The following IQSEC3 variants were observed in gnomAD, a reference collection of about 807,000 sequenced individuals.
The protein encoded by IQSEC3 is IQ motif and SEC7 domain-containing protein 3.
Under a neutral mutation model 105.4 loss-of-function variants are expected in IQSEC3, and 50 were observed. That is an observed-to-expected ratio of 0.47 (90% CI 0.38 to 0.60). The LOEUF (loss-of-function observed/expected upper bound fraction) is 0.60. Among genes scored for constraint, IQSEC3 ranks in the 20% least tolerant of loss-of-function variants. The probability of loss-of-function intolerance (pLI) is 0.00; values close to 1 mark genes in which losing one functional copy is unlikely to be tolerated. For synonymous variants in IQSEC3, 708 were observed against 746.0 expected, an observed-to-expected ratio of 0.95 and a Z score of 0.83; for missense variants, 1,415 against 1,630.0, an observed-to-expected ratio of 0.87 and a Z score of 2.27.
At chr12:160,736 A>C (rs1453255051) in intron 7 of IQSEC3, among the ~76,000 whole-genome samples, 1 of 152,146 alleles carries the variant, frequency 6.6e-6, no homozygotes, top group African/African-American at 2.4e-5. Context: ...CACCAGCTCT[A>C]AGCCCTTTGG....
intron 1 of IQSEC3, among the ~76,000 whole-genome samples, chr12:80,693 A>C (rs2136882431): frequency 6.6e-6 from 1 of 152,360 alleles, no homozygotes; most frequent in African/African-American, 2.4e-5. Flanking sequence ...TTACAGACAA[A>C]CAAGATCACT....
intron 12 of IQSEC3, among the ~76,000 whole-genome samples, chr12:170,526 G>T (rs1272697759): frequency 6.6e-6 from 1 of 152,224 alleles, no homozygotes; most frequent in African/African-American, 2.4e-5. Flanking sequence ...CGGGGGTCGG[G>T]GTGGAAGCTG....
chr12:149,407 G>A (rs989802353), intron 5 of IQSEC3, among the ~76,000 whole-genome samples: 11 of 152,200 alleles, frequency 7.2e-5, no homozygotes, highest in Admixed American at 2.0e-4. Context: ...CACAGGTCTC[G>A]GTGTCAGCTC....
At chr12:141,468 C>T (rs1218942628) in intron 5 of IQSEC3, 183 bp downstream of exon 5, 2 of 602,910 alleles carry the variant, frequency 3.3e-6, no homozygotes, top group East Asian at 5.7e-5. Context: ...GCCCTGTCTC[C>T]CGTCAGAGTC....
chr12:111,244 C>T (rs1160613669), intron 2 of IQSEC3, among the ~76,000 whole-genome samples: 2 of 152,172 alleles, frequency 1.3e-5, no homozygotes, highest in Non-Finnish European at 2.9e-5. Flanking sequence ...AAAATTAAAG[C>T]TTGGCACACC....
intron 3 of IQSEC3, among the ~76,000 whole-genome samples, chr12:133,306 C>T (rs963302370): frequency 2.6e-5 from 4 of 152,226 alleles, no homozygotes; most frequent in Admixed American, 6.5e-5. Flanking sequence ...TGGAGACTGG[C>T]AGTGGCACCC....
At chr12:80,268 T>A (rs1863700486) in intron 1 of IQSEC3, among the ~76,000 whole-genome samples, 1 of 152,228 alleles carries the variant, frequency 6.6e-6, no homozygotes, top group Admixed American at 6.5e-5. Context: ...AACTCCAGCT[T>A]GGTTCACTTT....
rs781971008 is a variant in IQSEC3 at position 138,541 on chromosome 12, G to A, written c.1178G>A (p.Gly393Asp). The change falls in exon 4 of 14, where the codon GGC becomes GAC. Residue 393 changes from glycine (G) to aspartate (D), a missense_variant. Transcript: ENST00000538872. The surrounding 1 kb of genome is among the most constrained non-coding windows in gnomAD (Gnocchi z 7.1). ...RSPSLPPTFAGTLTELEDSFT... is the reference protein window; with the variant it reads ...RSPSLPPTFADTLTELEDSFT... ...CCCTCCCTGCCGCCCACCTTCGCAGGCACCCTCACCGAGCTGGAGGACTCC... is the reference window on the plus strand; with the variant it reads ...CCCTCCCTGCCGCCCACCTTCGCAGACACCCTCACCGAGCTGGAGGACTCC... 2 of 1,579,338 alleles carry A rather than the reference G, an allele frequency of 1.3e-6. No homozygotes were observed. The highest frequency in any genetic ancestry group is 1.1e-5 in the South Asian group (1 of 88,166).
chr12:96,015 T>C (rs932694565), intron 1 of IQSEC3, among the ~76,000 whole-genome samples: 1 of 152,206 alleles, frequency 6.6e-6, no homozygotes, highest in Admixed American at 6.5e-5. Flanking sequence ...GACCATGGCC[T>C]GAGGCACAGT....
chr12:110,400 G>A (rs881741), intron 2 of IQSEC3, among the ~76,000 whole-genome samples: 41,370 of 151,138 alleles, frequency 0.27, 6,542 homozygotes, highest in Non-Finnish European at 0.36. Flanking sequence ...GCAGAAATGC[G>A]GAGGGAGTCT....
chr12:138,829 C>G lies in IQSEC3; in HGVS notation c.1466C>G (p.Thr489Arg). Reference sequence around the variant, plus strand: ...CTCATGATGGCTTTCCGGGACGTCACGGTGCAGATCGCCAACCAGAACATA... The same window carrying G: ...CTCATGATGGCTTTCCGGGACGTCAGGGTGCAGATCGCCAACCAGAACATA... ...GTLMMAFRDV[T>R]VQIANQNISV... is the part of the protein sequence containing the mutation. The change falls in exon 4 of 14, where the codon ACG becomes AGG. Residue 489 changes from threonine to arginine, a missense_variant. By Grantham distance (71) the Thr-to-Arg change is moderately conservative. Coordinates refer to ENST00000538872, the MANE Select transcript of IQSEC3 (RefSeq NM_001170738.2). The surrounding 1 kb of genome is among the most constrained non-coding windows in gnomAD (Gnocchi z 7.1). 9 of 1,611,532 alleles carry G rather than the reference C, an allele frequency of 5.6e-6. No individual in the cohort carries two copies. The highest frequency in any genetic ancestry group is 7.6e-6 in the Non-Finnish European group (9 of 1,179,258).
intron 1 of IQSEC3, among the ~76,000 whole-genome samples, chr12:85,554 AAG>A (rs1170332634): frequency 2.6e-5 from 4 of 152,232 alleles, no homozygotes; most frequent in African/African-American, 9.6e-5. Context: ...GCTGGGCAGG[AAG>A]AGAGACAGTG....
Position 125,911 on chromosome 12 carries a change from A to AG in IQSEC3, c.903+1dup. On this transcript the variant is annotated frameshift_variant and splice_region_variant, in exon 3 of 14. Coordinates refer to ENST00000538872, the MANE Select transcript of IQSEC3 (RefSeq NM_001170738.2). LOFTEE classifies it high-confidence loss of function. The stretch of plus-strand genomic sequence containing the variant: ...CTCTCCCTTGACCTAAAGAATAAAC[A>AG]GGTACCCAGGGCCTCCTAGGGGGGC... The AG allele has an allele frequency of 6.5e-7, 1 of 1,532,454 alleles. No homozygotes were observed. The highest frequency in any genetic ancestry group is 1.2e-5 in the South Asian group (1 of 83,986). 94.9% of individuals were successfully genotyped at this position (1,532,454 alleles called of 1,614,324 possible).
intron 2 of IQSEC3, among the ~76,000 whole-genome samples, chr12:124,299 G>C (rs1177309868): frequency 6.9e-6 from 1 of 145,790 alleles, no homozygotes; most frequent in Admixed American, 7.2e-5. Context: ...TGAGGCAGGA[G>C]AATCACTTGA....
intron 11 of IQSEC3, among the ~76,000 whole-genome samples, chr12:168,722 A>C (rs1181803927): frequency 2.0e-5 from 3 of 152,032 alleles, no homozygotes; most frequent in Non-Finnish European, 4.4e-5. Context: ...GAGTGTCAGG[A>C]CCAGGACCCA....
intron 2 of IQSEC3, among the ~76,000 whole-genome samples, chr12:111,164 G>T (rs1203454661): frequency 6.6e-6 from 1 of 152,210 alleles, no homozygotes; most frequent in Non-Finnish European, 1.5e-5. Flanking sequence ...GAACATGGGG[G>T]TTAATTCACT....
At chr12:70,289 A>G (rs1863262805) in intron 1 of IQSEC3, among the ~76,000 whole-genome samples, 1 of 152,270 alleles carries the variant, frequency 6.6e-6, no homozygotes, top group Admixed American at 6.5e-5. Flanking sequence ...AAAATAATGA[A>G]TCATTTAATT....
At position 125,930 on chromosome 12, in the gene IQSEC3, G is replaced by GGGGGGCGGGGAGGGCCGT; in HGVS notation, c.903+32_903+33insCCGTGGGGGCGGGGAGGG. 1 of 1,524,152 alleles carries GGGGGGCGGGGAGGGCCGT rather than the reference G, an allele frequency of 6.6e-7. No individual in the cohort carries two copies. The highest frequency in any genetic ancestry group is 8.8e-7 in the Non-Finnish European group (1 of 1,142,164). 94.4% of individuals were successfully genotyped at this position (1,524,152 alleles called of 1,614,324 possible). ...ATAAACAGGTACCCAGGGCCTCCTA[G>GGGGGGCGGGGAGGGCCGT]GGGGGCGGGGAGGGTGGTGAAGGGG... On this transcript the variant is annotated intron_variant, in intron 3 of 13. Transcript: ENST00000538872.
intron 4 of IQSEC3, chr12:139,819 GC>G (rs1865941245): frequency 6.5e-6 from 1 of 154,294 alleles, no homozygotes; most frequent in African/African-American, 2.4e-5. Context: ...CGTAAAGAAT[GC>G]CGGCTGAGAG....
Sources: gnomAD v4.1 joint callset for allele counts (sites outside exome capture counted in the v4.1 genomes callset) on GRCh38, gnomAD v4.1.1 for gene constraint, Gnocchi (gnomAD v3.1) non-coding constraint, MANE v1.5 for transcripts, NCBI Gene and HGNC (gene_info 2026-07-23, HGNC 2026-07-21) for gene names.